SYNE3: variants seen among roughly 807,000 people sequenced by gnomAD.
SYNE3 encodes the protein spectrin repeat containing nuclear envelope family member 3.
A neutral mutation model predicts 111.2 loss-of-function variants in SYNE3; 100 were observed. The ratio of observed to expected loss-of-function variants is 0.90; its 90% CI spans 0.77 to 1.06. The LOEUF is 1.06. Ranked by LOEUF, SYNE3 falls within the 50% of genes least tolerant of loss-of-function variation. The pLI is 0.00. For missense variants in SYNE3, 1,160 were observed against 1,240.3 expected (o/e 0.94, Z 0.97); for synonymous variants, 547 against 533.9 (o/e 1.02, Z -0.34).
intron 1 of SYNE3, among the ~76,000 whole-genome samples, chr14:95,494,896 T>C (rs1032417745): frequency 7.3e-5 from 11 of 151,238 alleles, no homozygotes; most frequent in Non-Finnish European, 1.0e-4. Flanking sequence ...GTGGATCGCC[T>C]GAGGTCAGGC....
At chr14:95,440,741 C>T (rs1250998853) in intron 11 of SYNE3, among the ~76,000 whole-genome samples, 2 of 152,140 alleles carry the variant, frequency 1.3e-5, no homozygotes, top group Non-Finnish European at 2.9e-5. Context: ...AGCTATGTTG[C>T]GGGAAGCATG....
intron 1 of SYNE3, among the ~76,000 whole-genome samples, chr14:95,515,733 A>G (rs1890896064): frequency 1.3e-5 from 2 of 152,188 alleles, no homozygotes; most frequent in African/African-American, 4.8e-5. Context: ...GAAAGGGGTG[A>G]CCAGGAACCT....
In SYNE3 at chr14:95,455,692, C is replaced by A; in HGVS notation, c.822G>T (p.Glu274Asp). 1 of 1,614,176 alleles carries A rather than the reference C, an allele frequency of 6.2e-7. No individual in the cohort carries two copies. The highest frequency in any genetic ancestry group is 1.1e-5 in the South Asian group (1 of 91,092). ...ACTGCTCCTCCAGCGTCTCCAGAGA[C>A]TCCTCGCCCCTGGGAAAATCTTTGG... The part of the protein sequence containing the change: ...DIAKDFPRGE[E>D]SLETLEEQSA... Residue 274 changes from glutamate to aspartate, a missense_variant, in exon 6 of 18, where the codon GAG (glutamate) becomes GAT (aspartate). Physicochemically the swap from Glu to Asp is conservative, Grantham distance 45. Transcript: ENST00000682763.
At chr14:95,515,789 T>G (rs755135719) in intron 1 of SYNE3, among the ~76,000 whole-genome samples, 1 of 152,010 alleles carries the variant, frequency 6.6e-6, no homozygotes, top group Non-Finnish European at 1.5e-5. Flanking sequence ...AGGGCCAAAG[T>G]GGTTAACTGA....
At chr14:95,482,460 G>C (rs907518705) in intron 1 of SYNE3, among the ~76,000 whole-genome samples, 1 of 152,072 alleles carries the variant, frequency 6.6e-6, no homozygotes, top group African/African-American at 2.4e-5. Flanking sequence ...AATATTATCT[G>C]GGAATTTGAA....
At chr14:95,488,233 A>G (rs896651275) in intron 1 of SYNE3, among the ~76,000 whole-genome samples, 2 of 152,024 alleles carry the variant, frequency 1.3e-5, no homozygotes, top group Non-Finnish European at 2.9e-5. Flanking sequence ...GGTACCCCTA[A>G]CCCCTGCAAT....
rs774316738 is a variant in SYNE3, at chr14:95,455,453, A to G, written c.1061T>C (p.Leu354Pro). ...CGCAGGCTGCAGGCCCTCCTGGGCC[A>G]GCCTCTGCAGGACCATCCTGAACTC... is the stretch of plus-strand genomic sequence containing the variant. ...LSEFRMVLQR[L>P]AQEGLQPAAK... Residue 354 changes from leucine (L) to proline (P), a missense_variant, in exon 6 of 18, where the codon CTG (leucine) becomes CCG (proline). Leu to Pro is a moderately conservative substitution (Grantham distance 98). Transcript: ENST00000682763. The G allele has an allele frequency of 1.2e-6, 2 of 1,607,852 alleles. No individual in the cohort carries two copies. Among genetic ancestry groups the G allele is most frequent in the Non-Finnish European group, 1.7e-6 (2 of 1,176,936 alleles).
At chr14:95,480,730 A>G (rs1267956759) in intron 1 of SYNE3, among the ~76,000 whole-genome samples, 1 of 152,046 alleles carries the variant, frequency 6.6e-6, no homozygotes, top group East Asian at 1.9e-4. Context: ...AGTGTGGTTG[A>G]CTCAGGGATA....
chr14:95,446,542 C>A (rs537186280), intron 8 of SYNE3, among the ~76,000 whole-genome samples: 1 of 152,086 alleles, frequency 6.6e-6, no homozygotes, highest in Admixed American at 6.5e-5. Flanking sequence ...CTCAGTGATC[C>A]CCCGTCACCA....
At chr14:95,506,678 T>C (rs923223908) in intron 1 of SYNE3, among the ~76,000 whole-genome samples, 2 of 152,176 alleles carry the variant, frequency 1.3e-5, no homozygotes, top group African/African-American at 2.4e-5. Flanking sequence ...GAGGGAGAAC[T>C]TGGAGAGGCT....
At chr14:95,440,922 C>CT (rs1244565145) in intron 11 of SYNE3, among the ~76,000 whole-genome samples, 1 of 152,176 alleles carries the variant, frequency 6.6e-6, no homozygotes, top group East Asian at 1.9e-4. Context: ...CACGTTCAGT[C>CT]TTTCTTTGTT....
At chr14:95,444,158 G>A (rs2139404363) in intron 10 of SYNE3, 1 of 364,268 alleles carries the variant, frequency 2.7e-6, no homozygotes, top group East Asian at 4.1e-5. Flanking sequence ...TCCCAAAGTT[G>A]GTTTAACTGA....
chr14:95,499,514 C>T (rs1566688614), intron 1 of SYNE3, among the ~76,000 whole-genome samples: 1 of 152,142 alleles, frequency 6.6e-6, no homozygotes, highest in Non-Finnish European at 1.5e-5. Context: ...TTGGCATCAC[C>T]ACCTCCAGAA....
At chr14:95,502,153 C>A (rs1890360498) in intron 1 of SYNE3, among the ~76,000 whole-genome samples, 1 of 152,184 alleles carries the variant, frequency 6.6e-6, no homozygotes, top group Admixed American at 6.5e-5. Context: ...TTGAAAGTCC[C>A]AAACCCCAGG....
intron 8 of SYNE3, chr14:95,449,697 G>A (rs1177264263): frequency 9.1e-6 from 9 of 984,258 alleles, no homozygotes; most frequent in African/African-American, 1.7e-5. Context: ...TGCGGGTGGG[G>A]AGCGTCCGTA....
chr14:95,452,050 C>G, intron 7 of SYNE3, 197 bp downstream of exon 7: 1 of 564,042 alleles, frequency 1.8e-6, no homozygotes, highest in Non-Finnish European at 2.8e-6. Context: ...AGGCCTCTTT[C>G]TGGGAGCAAA....
intron 17 of SYNE3, among the ~76,000 whole-genome samples, chr14:95,418,361 T>C (rs994996485): frequency 4.6e-5 from 7 of 152,124 alleles, no homozygotes; most frequent in African/African-American, 1.7e-4. Context: ...TAGTTTCTCA[T>C]CTTCAGATGG....
rs772184671 is a variant in SYNE3, at chr14:95,433,283, G to C, written c.2665C>G (p.Leu889Val). The change falls in exon 16 of 18, where the codon CTG becomes GTG. Residue 889 changes from leucine to valine, a missense_variant. Leu to Val is a conservative substitution (Grantham distance 32). Transcript: ENST00000682763. ...ACCAGCAGGTGGCCAGAGTCCTTCAGCTTGGACTTGTACAGCATCCACTGG... is the reference window on the plus strand; with the variant it reads ...ACCAGCAGGTGGCCAGAGTCCTTCACCTTGGACTTGTACAGCATCCACTGG... ...RYQWMLYKSK[L>V]KDSGHLLTQS... is the part of the protein sequence containing the mutation. The C allele has an allele frequency of 6.2e-7, 1 of 1,614,102 alleles. No homozygotes were observed. The highest frequency in any genetic ancestry group is 2.2e-5 in the East Asian group (1 of 44,878).
intron 11 of SYNE3, among the ~76,000 whole-genome samples, chr14:95,441,539 A>G (rs1255102287): frequency 6.6e-6 from 1 of 152,254 alleles, no homozygotes; most frequent in Non-Finnish European, 1.5e-5. Context: ...TAAACAATCA[A>G]TAAGAATTGG....
Sources: gnomAD v4.1 joint callset for allele counts (sites outside exome capture counted in the v4.1 genomes callset) on GRCh38, gnomAD v4.1.1 for gene constraint, MANE v1.5 for transcripts, NCBI Gene and HGNC (gene_info 2026-07-23, HGNC 2026-07-21) for gene names.